The following GRSF1 variants were observed in gnomAD, a reference collection of about 807,000 sequenced individuals.
GRSF1 encodes the protein G-rich RNA sequence binding factor 1.
GRSF1 carries 50 observed loss-of-function variants against 51.1 expected under a neutral mutation model. The observed-to-expected ratio is 0.98, with a 90% confidence interval of 0.78 to 1.24. GRSF1 has a LOEUF of 1.24. GRSF1 is among the 50% of genes most tolerant of loss of function. The pLI, the probability that GRSF1 is intolerant of heterozygous loss-of-function variation, is 0.00. For missense variants in GRSF1, 700 were observed against 639.7 expected (o/e 1.09, Z -1.02); for synonymous variants, 293 against 253.3 (o/e 1.16, Z -1.49).
intron 5 of GRSF1, among the ~76,000 whole-genome samples, chr4:70,829,546 T>A (rs1290163737): frequency 6.6e-6 from 1 of 151,998 alleles, no homozygotes; most frequent in Non-Finnish European, 1.5e-5. Context: ...CCCAGCTACT[T>A]GGGAGGCTGA....
Position 70,826,085 on chromosome 4 carries a change from T to C in GRSF1, c.1257+39A>G, listed in dbSNP as rs779894273. 1.5e-5 allele frequency: 23 copies of C among 1,562,426 alleles called. No homozygotes were observed. The South Asian group carries it at 2.0e-4, about 14-fold the overall frequency. On this transcript the variant is annotated intron_variant, in intron 7 of 9. Transcript: ENST00000254799. ...TACAAGTTCAATTTTAGAACTTTTGTTCAAATCTATTGAGATTGGATATCT... is the reference window on the plus strand; with the variant it reads ...TACAAGTTCAATTTTAGAACTTTTGCTCAAATCTATTGAGATTGGATATCT...
At chr4:70,839,334 G>C (rs1301555863) in intron 1 of GRSF1, 137 bp downstream of exon 1, 1 of 1,503,888 alleles carries the variant, frequency 6.6e-7, no homozygotes. Flanking sequence ...CAGGGTGGAC[G>C]GGGGCGGGTG....
At chr4:70,832,241 G>C (rs1734007923) in intron 4 of GRSF1, 66 bp downstream of exon 4, 1 of 1,371,286 alleles carries the variant, frequency 7.3e-7, no homozygotes, top group African/African-American at 1.4e-5. Context: ...GCTCATCTAA[G>C]ATATAGAAGG....
At chr4:70,841,529 G>C (rs186495060), upstream of GRSF1, among the ~76,000 whole-genome samples, 214 of 152,310 alleles carry the variant, frequency 1.4e-3, no homozygotes, top group Admixed American at 3.1e-3. Context: ...TGTGGAAAAT[G>C]TCAAACAGAA....
chr4:70,822,597 AAAAAAAAAC>A (rs1483648514), intron 9 of GRSF1, among the ~76,000 whole-genome samples: 10 of 7,230 alleles, frequency 1.4e-3, no homozygotes, highest in African/African-American at 1.6e-3. Flanking sequence ...AAAAAAAAAA[AAAAAAAAAC>A]AAAAGTAACC....
At chr4:70,837,796 C>G (rs1197237642) in intron 1 of GRSF1, among the ~76,000 whole-genome samples, 3 of 150,922 alleles carry the variant, frequency 2.0e-5, no homozygotes, top group Non-Finnish European at 4.4e-5. Context: ...CCACCCCGCC[C>G]GGCTAATTTT....
chr4:70,836,198 G>A lies in GRSF1; in HGVS notation c.474C>T (p.Pro158=), dbSNP rs771396247. ...DVFLIRAQGL[P]WSCTMEDVLN... ...GCACATCTTCCATAGTGCATGACCAGGGCAGTCCTTGAGCTCGAATGAGAA... is the reference window on the plus strand; with the variant it reads ...GCACATCTTCCATAGTGCATGACCAAGGCAGTCCTTGAGCTCGAATGAGAA... Residue 158 remains proline, a synonymous_variant, in exon 2 of 10, where the codon CCC becomes CCT. Transcript: ENST00000254799. 2 of 1,605,602 alleles carry A rather than the reference G, an allele frequency of 1.2e-6. No homozygotes were observed. Among genetic ancestry groups the A allele is most frequent in the Non-Finnish European group, 1.7e-6 (2 of 1,176,604 alleles).
Position 70,833,235 on chromosome 4 carries a change from G to A in GRSF1, c.553C>T (p.Leu185Phe), listed in dbSNP as rs753538777. 2 of 1,613,706 alleles carry A rather than the reference G, an allele frequency of 1.2e-6. No individual in the cohort carries two copies. The highest frequency in any genetic ancestry group is 1.3e-5 in the African/African-American group (1 of 74,912). The change falls in exon 3 of 10, where the codon CTC (leucine) becomes TTC (phenylalanine). Residue 185 changes from leucine to phenylalanine, a missense_variant. Coordinates refer to ENST00000254799, the MANE Select transcript of GRSF1 (RefSeq NM_002092.4). ...CTTCGTTTCCCATCTCTGTTTAGGAGAAAATGTATTCCATTCTCACCGTTG... is the reference window on the plus strand; with the variant it reads ...CTTCGTTTCCCATCTCTGTTTAGGAAAAAATGTATTCCATTCTCACCGTTG... ...IRNGENGIHF[L>F]LNRDGKRRGD...
intron 5 of GRSF1, among the ~76,000 whole-genome samples, chr4:70,830,936 A>T (rs1201622054): frequency 2.0e-5 from 3 of 152,168 alleles, no homozygotes; most frequent in South Asian, 2.1e-4. Flanking sequence ...ATGTAAAAAA[A>T]TTTTTTTAAA....
chr4:70,833,090 CA>C (rs1280012328), intron 3 of GRSF1, 27 bp downstream of exon 3: 8 of 1,600,068 alleles, frequency 5.0e-6, no homozygotes, highest in Non-Finnish European at 6.0e-6. Flanking sequence ...GCAATGATCC[CA>C]AAAAGCCATA....
At position 70,826,438 on chromosome 4, in the gene GRSF1, T is replaced by C. The variant is rs556576198; in HGVS notation, c.1136-193A>G. ...CATAAGCACTGAATGCCTCAGACCA[T>C]TACCAGTTTAAGAACTTAGCCCTTT... On this transcript the variant is annotated intron_variant, in intron 6 of 9. Transcript: ENST00000254799. Among the ~76,000 whole-genome samples the C allele has an allele frequency of 2.7e-4, 41 of 152,078 alleles. No homozygotes were observed. The East Asian group carries it at 6.6e-3, about 24-fold the overall frequency.
chr4:70,833,115 T>C lies in GRSF1; in HGVS notation c.670+3A>G. 1 of 1,612,380 alleles carries C rather than the reference T, an allele frequency of 6.2e-7. No individual in the cohort carries two copies. Among genetic ancestry groups the C allele is most frequent in the East Asian group, 2.2e-5 (1 of 44,882 alleles). ...CAAAAAGCCATAATCTGACTTCACATACCTTCCACATACCGCTGGCCCATG... is the reference window on the plus strand; with the variant it reads ...CAAAAAGCCATAATCTGACTTCACACACCTTCCACATACCGCTGGCCCATG... On this transcript the variant is annotated splice_donor_region_variant and intron_variant, in intron 3 of 9. Coordinates refer to ENST00000254799, the MANE Select transcript of GRSF1 (RefSeq NM_002092.4).
chr4:70,816,742 A>G lies in GRSF1; in HGVS notation c.*4145T>C, dbSNP rs1733325185. On this transcript the variant is annotated 3_prime_UTR_variant, in exon 10 of 10. Coordinates refer to ENST00000254799, the MANE Select transcript of GRSF1 (RefSeq NM_002092.4). Reference sequence around the variant, plus strand: ...TCTCAAACACAAAAAACAAAAACAAAAACAAATTCCCATGACATGTATGCT... The same window carrying G: ...TCTCAAACACAAAAAACAAAAACAAGAACAAATTCCCATGACATGTATGCT... 1 of 152,200 alleles carries G rather than the reference A, an allele frequency of 6.6e-6. No homozygotes were observed. Among genetic ancestry groups the G allele is most frequent in the African/African-American group, 2.4e-5 (1 of 41,430 alleles). The allele number at this position is 152,200 out of a possible 1,614,324, so 9.4% of individuals were successfully genotyped here.
rs574365116 is a variant in GRSF1, at chr4:70,833,580, A to T, written c.515-307T>A. On this transcript the variant is annotated intron_variant, in intron 2 of 9. Transcript: ENST00000254799. ...TATTGCAATGTTTCTACAATCACTT[A>T]AGGAAATACAATATAGTTAAATTTA... Among the ~76,000 whole-genome samples, 48 of 152,356 alleles carry T rather than the reference A, an allele frequency of 3.2e-4. No homozygotes were observed. In the South Asian group the frequency reaches 7.0e-3, roughly 22 times the overall value.
At chr4:70,828,091 A>C in intron 5 of GRSF1, 55 bp from the exon 6 acceptor site, 1 of 1,236,942 alleles carries the variant, frequency 8.1e-7, no homozygotes, top group South Asian at 1.3e-5. Flanking sequence ...CTTTATACTG[A>C]ACTCATTTAA....
chr4:70,822,554 C>T (rs1489336700), intron 9 of GRSF1, among the ~76,000 whole-genome samples: 3 of 148,524 alleles, frequency 2.0e-5, no homozygotes, highest in Admixed American at 6.7e-5. Flanking sequence ...CTGCACTTCA[C>T]CCTGGGCAAA....
At chr4:70,842,492 G>A (rs1734479074), upstream of GRSF1, among the ~76,000 whole-genome samples, 1 of 152,146 alleles carries the variant, frequency 6.6e-6, no homozygotes, top group Non-Finnish European at 1.5e-5. Context: ...CTGGGGTGCA[G>A]TGGTGGGAAT....
chr4:70,839,432 G>T, intron 1 of GRSF1, 39 bp downstream of exon 1: 1 of 1,489,480 alleles, frequency 6.7e-7, no homozygotes. Flanking sequence ...CGCGGCCCGG[G>T]AGGGATCTCG....
chr4:70,833,323 C>G, intron 2 of GRSF1, 50 bp from the exon 3 acceptor site: 1 of 1,521,060 alleles, frequency 6.6e-7, no homozygotes, highest in Non-Finnish European at 9.1e-7. Context: ...AAACTTTTAG[C>G]TCAATTATGT....
Sources: allele counts gnomAD v4.1 joint callset (sites outside exome capture counted in the v4.1 genomes callset), GRCh38; gene constraint gnomAD v4.1.1; transcripts MANE v1.5; gene names NCBI Gene and HGNC (gene_info 2026-07-23, HGNC 2026-07-21).